Variants in TTC8 observed in about 807,000 individuals in gnomAD.
TTC8 encodes the protein tetratricopeptide repeat domain 8.
In TTC8, 47 loss-of-function variants were observed where a neutral mutation model predicts 72.5. The ratio of observed to expected loss-of-function variants is 0.65; its 90% CI spans 0.51 to 0.83. The LOEUF (loss-of-function observed/expected upper bound fraction) is 0.83, where lower values mean the gene tolerates loss of function less well. Among genes scored for constraint, TTC8 ranks in the 40% least tolerant of loss-of-function variants. The pLI, the probability that TTC8 is intolerant of heterozygous loss-of-function variation, is 0.00. For missense variants in TTC8, 611 were observed against 623.2 expected (o/e 0.98, Z 0.21); for synonymous variants, 199 against 221.4 (o/e 0.90, Z 0.90).
intron 10 of TTC8, among the ~76,000 whole-genome samples, chr14:88,868,890 T>C (rs1488801566): frequency 1.3e-5 from 2 of 152,178 alleles, no homozygotes; most frequent in Non-Finnish European, 2.9e-5. Context: ...TAAGAAATAT[T>C]AAAAGTGGAT....
chr14:88,866,137 G>C (rs369172828), intron 10 of TTC8, among the ~76,000 whole-genome samples: 1 of 152,108 alleles, frequency 6.6e-6, no homozygotes, highest in Middle Eastern at 3.4e-3. Context: ...GAATGAGGAC[G>C]ATTTTTCTAA....
chr14:88,825,108 TGAC>T (rs1238948422), intron 1 of TTC8, among the ~76,000 whole-genome samples: 1 of 152,232 alleles, frequency 6.6e-6, no homozygotes, highest in Non-Finnish European at 1.5e-5. Flanking sequence ...GAACTTTACT[TGAC>T]GAGGAACTTT....
At chr14:88,858,956 A>G (rs2094870749) in intron 9 of TTC8, among the ~76,000 whole-genome samples, 1 of 151,856 alleles carries the variant, frequency 6.6e-6, no homozygotes, top group Non-Finnish European at 1.5e-5. Context: ...TTTTGGAAAG[A>G]GCTTGAAATT....
chr14:88,872,471 G>A lies in TTC8; in HGVS notation c.1347+19G>A. On this transcript the variant is annotated intron_variant, in intron 13 of 14. Transcript: ENST00000380656. ...TGAACAGGTCAGTGAACTGGCAGCGGCATGCTGGGCAGTCTGCTTTCTTCA... is the reference window on the plus strand; with the variant it reads ...TGAACAGGTCAGTGAACTGGCAGCGACATGCTGGGCAGTCTGCTTTCTTCA... The A allele has an allele frequency of 6.2e-7, 1 of 1,612,566 alleles. No homozygotes were observed. Among genetic ancestry groups the A allele is most frequent in the Admixed American group, 1.7e-5 (1 of 59,978 alleles).
chr14:88,857,107 A>G, intron 8 of TTC8, 83 bp from the exon 9 acceptor site: 1 of 1,176,524 alleles, frequency 8.5e-7, no homozygotes, highest in Non-Finnish European at 1.3e-6. Context: ...TTCCTCTTAT[A>G]ATTTGTCTCT....
chr14:88,842,385 G>A (rs1163619050), intron 6 of TTC8, among the ~76,000 whole-genome samples: 1 of 152,116 alleles, frequency 6.6e-6, no homozygotes, highest in African/African-American at 2.4e-5. Context: ...GATGCCATTT[G>A]GTAGACAGGG....
Position 88,853,045 on chromosome 14 carries a change from A to G in TTC8, c.699A>G (p.Lys233=). 2 of 1,612,596 alleles carry G rather than the reference A, an allele frequency of 1.2e-6. No homozygotes were observed. The highest frequency in any genetic ancestry group is 1.7e-6 in the Non-Finnish European group (2 of 1,178,834). Residue 233 remains lysine (K), a synonymous_variant, in exon 8 of 15, where the codon AAA becomes AAG. Transcript: ENST00000380656. ...KDWWWKVQIG[K]CYYRLGMYRE... is the part of the protein sequence containing the mutation. Reference sequence around the variant, plus strand: ...GGTGGTGGAAAGTACAGATTGGAAAATGTTACTACAGGTAAATTTCATTAT... The same window carrying G: ...GGTGGTGGAAAGTACAGATTGGAAAGTGTTACTACAGGTAAATTTCATTAT...
chr14:88,828,888 G>A (rs907118994), intron 1 of TTC8, among the ~76,000 whole-genome samples: 1 of 152,186 alleles, frequency 6.6e-6, no homozygotes, highest in Admixed American at 6.5e-5. Flanking sequence ...TTATTGCCTT[G>A]TATTTTCTAT....
In TTC8 at chr14:88,833,704, T is replaced by G. The variant is rs752846085; in HGVS notation, c.126T>G (p.Pro42=). 6.2e-7 allele frequency: 1 copy of G among 1,613,644 alleles called. No individual in the cohort carries two copies. Among genetic ancestry groups the G allele is most frequent in the South Asian group, 1.1e-5 (1 of 91,078 alleles). ...TTAATGCTTTCCAGGAACCAGATCC[T>G]GAATTGCCAGTGCATCAGGTAAAGA... ...EKSPYDQEPD[P]ELPVHQAAWI... The change falls in exon 2 of 15, where the codon CCT becomes CCG. Residue 42 remains proline, a synonymous_variant. Coordinates refer to ENST00000380656, the MANE Select transcript of TTC8 (RefSeq NM_144596.4).
chr14:88,871,637 C>G lies in TTC8; in HGVS notation c.1138C>G (p.Leu380Val). Residue 380 changes from leucine to valine, a missense_variant, in exon 12 of 15, where the codon CTG becomes GTG. By Grantham distance (32) the Leu-to-Val change is conservative. Transcript: ENST00000380656. The surrounding 1 kb of genome is among the most constrained non-coding windows in gnomAD (Gnocchi z 4.1). Reference protein sequence around the residue: ...CFYAQQYDMTLTSFERALSLA... With the variant: ...CFYAQQYDMTVTSFERALSLA... ...CTATGCCCAGCAGTATGATATGACT[C>G]TGACCTCATTTGAACGTGCCCTTTC... 1 of 1,614,132 alleles carries G rather than the reference C, an allele frequency of 6.2e-7. No homozygotes were observed. Among genetic ancestry groups the G allele is most frequent in the African/African-American group, 1.3e-5 (1 of 75,044 alleles).
rs2094793787 is a variant in TTC8 at position 88,843,851 on chromosome 14, G to GT, written c.624+2dup. On this transcript the variant is annotated splice_donor_variant, in intron 7 of 14. Transcript: ENST00000380656. LOFTEE classifies it high-confidence loss of function. ...TCATCATGAAAATGATGTTAAGACT[G>GT]TAAGTTTTGAATTCATGCTATTTTC... 1 of 1,583,320 alleles carries GT rather than the reference G, an allele frequency of 6.3e-7. No individual in the cohort carries two copies. Among genetic ancestry groups the GT allele is most frequent in the African/African-American group, 1.3e-5 (1 of 74,344 alleles).
At chr14:88,844,941 A>C (rs748305621) in intron 7 of TTC8, among the ~76,000 whole-genome samples, 2 of 152,184 alleles carry the variant, frequency 1.3e-5, no homozygotes, top group Admixed American at 6.5e-5. Flanking sequence ...TCTACAAGCC[A>C]TGTAATCTAG....
chr14:88,846,513 G>C (rs2094807318), intron 7 of TTC8: 2 of 666,646 alleles, frequency 3.0e-6, no homozygotes, highest in South Asian at 3.9e-5. Flanking sequence ...GCCTGTGAGG[G>C]GGAAGAGTTG....
chr14:88,831,068 C>T (rs564139586), intron 1 of TTC8: 10 of 345,806 alleles, frequency 2.9e-5, no homozygotes, highest in Non-Finnish European at 5.8e-5. Context: ...TTTCTGGTCA[C>T]AACACGGCTG....
In TTC8 at chr14:88,839,521, G is replaced by A. The variant is rs757429317; in HGVS notation, c.214G>A (p.Glu72Lys). The A allele has an allele frequency of 1.1e-5, 18 of 1,613,206 alleles. No homozygotes were observed. Among genetic ancestry groups the A allele is most frequent in the Non-Finnish European group, 2.5e-6 (3 of 1,179,562 alleles). The change falls in exon 3 of 15, where the codon GAA becomes AAA. Residue 72 changes from glutamate (E) to lysine (K), a missense_variant. Glu to Lys is a moderately conservative substitution (Grantham distance 56, BLOSUM62 1). Transcript: ENST00000380656. The stretch of plus-strand genomic sequence containing the variant: ...CATAGATGAAATTGATGTAGATCAG[G>A]AAGGAATTGCAGAAATGATGCTGGA... ...VYIDEIDVDQ[E>K]GIAEMMLDEN...
intron 13 of TTC8, among the ~76,000 whole-genome samples, 191 bp from the exon 14 acceptor site, chr14:88,874,835 G>A (rs1206543570): frequency 5.3e-5 from 8 of 151,822 alleles, no homozygotes; most frequent in Admixed American, 4.6e-4. Flanking sequence ...TTTTGGCAAG[G>A]TATCAGTAGT....
rs752238161 is a variant in TTC8, at chr14:88,877,438, T to C, written c.*28T>C. The C allele has an allele frequency of 3.8e-6, 6 of 1,567,708 alleles. No homozygotes were observed. In the African/African-American group the frequency reaches 5.4e-5, roughly 14 times the overall value. ...GTTCCTTAGACCACATATGTTCTTA[T>C]GAAGCAGCATTATGCAAGGGGAAAA... On this transcript the variant is annotated 3_prime_UTR_variant, in exon 15 of 15. Coordinates refer to ENST00000380656, the MANE Select transcript of TTC8 (RefSeq NM_144596.4).
At chr14:88,848,341 G>T (rs2094818275) in intron 7 of TTC8, among the ~76,000 whole-genome samples, 1 of 152,026 alleles carries the variant, frequency 6.6e-6, no homozygotes, top group Admixed American at 6.6e-5. Context: ...TCCTGAGGGA[G>T]AGTACAGTTA....
rs762777832 is a variant in TTC8 at position 88,870,209 on chromosome 14, C to T, written c.1049+11C>T. 6.8e-6 allele frequency: 11 copies of T among 1,613,786 alleles called. No homozygotes were observed. In the Admixed American group the frequency reaches 1.7e-4, roughly 24 times the overall value. ...TCTCCGGTTTTACAGGTGCACTTCA[C>T]ATCCAATTCTTAGAACCACTTTCCT... On this transcript the variant is annotated intron_variant, in intron 11 of 14. Transcript: ENST00000380656.
Sources: allele counts gnomAD v4.1 joint callset (sites outside exome capture counted in the v4.1 genomes callset), GRCh38; gene constraint gnomAD v4.1.1; non-coding constraint Gnocchi (gnomAD v3.1); transcripts MANE v1.5; gene names NCBI Gene and HGNC (gene_info 2026-07-23, HGNC 2026-07-21).